The following LNX2 variants were observed in gnomAD, a reference collection of about 807,000 sequenced individuals.
LNX2 encodes the protein ligand of Numb protein X 2.
Under a neutral mutation model 66.2 loss-of-function variants are expected in LNX2, and 35 were observed. The observed-to-expected ratio is 0.53, with a 90% CI of 0.40 to 0.70. The LOEUF is 0.70. Among genes scored for constraint, LNX2 ranks in the 30% least tolerant of loss-of-function variants. The pLI is 0.00. For synonymous variants in LNX2, 337 were observed against 315.6 expected (o/e 1.07, Z -0.72); for missense variants, 791 against 850.8 (o/e 0.93, Z 0.87).
chr13:27,548,594 G>A lies in LNX2; in HGVS notation c.1938-124C>T, dbSNP rs1954971101. 4 of 1,032,788 alleles carry A rather than the reference G, an allele frequency of 3.9e-6. No homozygotes were observed. The South Asian group carries it at 5.1e-5, about 13-fold the overall frequency. The allele number at this position is 1,032,788 out of a possible 1,614,324, so 64.0% of individuals were successfully genotyped here. A position where few individuals can be genotyped will look rare whatever the true frequency, so the allele number is the denominator to read the frequency against. On this transcript the variant is annotated intron_variant, in intron 9 of 9. Coordinates refer to ENST00000316334, the MANE Select transcript of LNX2 (RefSeq NM_153371.4). ...CCACTGAACTGTCAATGGTTAGGGT[G>A]TATAATCTACTTTGTCTGGGACAGC...
At position 27,548,220 on chromosome 13, in the gene LNX2, C is replaced by T; in HGVS notation, c.*115G>A. The T allele has an allele frequency of 1.1e-6, 1 of 926,356 alleles. No homozygotes were observed. The highest frequency in any genetic ancestry group is 1.7e-5 in the South Asian group (1 of 60,476). The allele number at this position is 926,356 out of a possible 1,614,324, so 57.4% of individuals were successfully genotyped here. A position where few individuals can be genotyped will look rare whatever the true frequency, so the allele number is the denominator to read the frequency against. On this transcript the variant is annotated 3_prime_UTR_variant, in exon 10 of 10. Coordinates refer to ENST00000316334, the MANE Select transcript of LNX2 (RefSeq NM_153371.4). ...CGGACAATCTTAGTGGGTTTTGGCC[C>T]TGTGTATACCAGCAGTGTCAGCAGC...
In LNX2 at chr13:27,546,180, G is replaced by A. The variant is rs1954935346; in HGVS notation, c.*2155C>T. 1 of 152,198 alleles carries A rather than the reference G, an allele frequency of 6.6e-6. No homozygotes were observed. Among genetic ancestry groups the A allele is most frequent in the Non-Finnish European group, 1.5e-5 (1 of 68,036 alleles). The allele number at this position is 152,198 out of a possible 1,614,324, so 9.4% of individuals were successfully genotyped here. A position where few individuals can be genotyped will look rare whatever the true frequency, so the allele number is the denominator to read the frequency against. ...CTGATTCCAAGATTTCTATAAAAAT[G>A]AGAGTGAAGAAATTTCTTCTTTCAA... On this transcript the variant is annotated 3_prime_UTR_variant, in exon 10 of 10. Coordinates refer to ENST00000316334, the MANE Select transcript of LNX2 (RefSeq NM_153371.4).
intron 9 of LNX2, among the ~76,000 whole-genome samples, 196 bp from the exon 10 acceptor site, chr13:27,548,666 T>C (rs2138303908): frequency 6.6e-6 from 1 of 152,360 alleles, no homozygotes; most frequent in East Asian, 1.9e-4. Flanking sequence ...GAAACCCCTG[T>C]GCCGATGACT....
intron 6 of LNX2, among the ~76,000 whole-genome samples, chr13:27,558,768 T>C (rs1955093912): frequency 6.6e-6 from 1 of 152,144 alleles, no homozygotes; most frequent in Non-Finnish European, 1.5e-5. Context: ...AAGTCTGTGA[T>C]TATAATTTCT....
chr13:27,563,959 CA>C (rs1242790646), intron 4 of LNX2, among the ~76,000 whole-genome samples: 1 of 152,134 alleles, frequency 6.6e-6, no homozygotes, highest in East Asian at 1.9e-4. Flanking sequence ...TTGAATAATA[CA>C]GGGTCAAGAA....
intron 2 of LNX2, 136 bp downstream of exon 2, chr13:27,581,161 T>C (rs889657914): frequency 1.4e-5 from 8 of 564,962 alleles, no homozygotes; most frequent in African/African-American, 7.5e-5. Context: ...AACTTATTTA[T>C]TGTATCTCTT....
intron 1 of LNX2, among the ~76,000 whole-genome samples, chr13:27,604,877 C>A (rs1229509082): frequency 6.9e-6 from 1 of 144,046 alleles, no homozygotes; most frequent in Non-Finnish European, 1.5e-5. Context: ...TTTTGCCCTG[C>A]CTTTTGGTGC....
rs967368244 is a variant in LNX2, at chr13:27,551,944, C to A, written c.1778+1264G>T. On this transcript the variant is annotated intron_variant, in intron 8 of 9. Coordinates refer to ENST00000316334, the MANE Select transcript of LNX2 (RefSeq NM_153371.4). ...CCGTGTGAAACCTGCATATAGGGGC[C>A]ACCTGCACCCACTGAGGAGGACACA... Among the ~76,000 whole-genome samples, 5 of 152,258 alleles carry A rather than the reference C, an allele frequency of 3.3e-5. No individual in the cohort carries two copies. In the East Asian group the frequency reaches 9.7e-4, roughly 29 times the overall value.
At chr13:27,559,098 C>CAA (rs1290980412) in intron 6 of LNX2, among the ~76,000 whole-genome samples, 1 of 152,032 alleles carries the variant, frequency 6.6e-6, no homozygotes, top group South Asian at 2.1e-4. Context: ...GTTAAGAGTT[C>CAA]AAATGAAGGA....
chr13:27,583,760 A>G (rs1955451559), intron 1 of LNX2, among the ~76,000 whole-genome samples: 1 of 152,224 alleles, frequency 6.6e-6, no homozygotes, highest in Non-Finnish European at 1.5e-5. Flanking sequence ...TTGAACATCG[A>G]GACAGAAGAG....
At chr13:27,584,845 C>T (rs139994878) in intron 1 of LNX2, among the ~76,000 whole-genome samples, 154 of 152,198 alleles carry the variant, frequency 1.0e-3, no homozygotes, top group Middle Eastern at 3.4e-3. Flanking sequence ...AGGCTGGGCA[C>T]GGTGGCTCAC....
At chr13:27,561,024 A>G (rs1460400496) in intron 5 of LNX2, among the ~76,000 whole-genome samples, 2 of 152,252 alleles carry the variant, frequency 1.3e-5, no homozygotes, top group East Asian at 1.9e-4. Flanking sequence ...TCCAAAAACA[A>G]TAACGCTTTT....
intron 1 of LNX2, among the ~76,000 whole-genome samples, chr13:27,586,187 CTAT>C (rs1171949280): frequency 1.3e-5 from 2 of 151,502 alleles, no homozygotes. Flanking sequence ...TAAGTGCTAT[CTAT>C]TATTAAAAAT....
intron 2 of LNX2, among the ~76,000 whole-genome samples, chr13:27,578,265 G>A (rs547647666): frequency 6.6e-6 from 1 of 152,218 alleles, no homozygotes; most frequent in East Asian, 1.9e-4. Context: ...AAAAGCTCAA[G>A]AGCAAAGGCA....
At chr13:27,616,549 G>C (rs1040222546) in intron 1 of LNX2, among the ~76,000 whole-genome samples, 3 of 152,070 alleles carry the variant, frequency 2.0e-5, no homozygotes, top group Non-Finnish European at 4.4e-5. Flanking sequence ...TGGGGAGAGG[G>C]GGAAGCTTAG....
At chr13:27,555,873 T>A (rs542845787) in intron 7 of LNX2, among the ~76,000 whole-genome samples, 175 of 152,296 alleles carry the variant, frequency 1.1e-3, no homozygotes, top group African/African-American at 4.1e-3. Context: ...CTGCTCCACC[T>A]CCTCTCTGAG....
At chr13:27,589,789 T>C (rs1006375135) in intron 1 of LNX2, among the ~76,000 whole-genome samples, 2 of 152,240 alleles carry the variant, frequency 1.3e-5, no homozygotes, top group Admixed American at 1.3e-4. Flanking sequence ...AAAGGAAATA[T>C]ATTAAATATC....
intron 8 of LNX2, among the ~76,000 whole-genome samples, chr13:27,550,900 A>C (rs920578239): frequency 2.6e-5 from 4 of 152,220 alleles, no homozygotes; most frequent in Non-Finnish European, 5.9e-5. Context: ...AGTACTGCCA[A>C]GCCCAGCATG....
intron 5 of LNX2, among the ~76,000 whole-genome samples, chr13:27,560,580 T>TATATATATATATATATATATATAC (rs1361261308): frequency 1.2e-4 from 18 of 147,748 alleles, no homozygotes; most frequent in African/African-American, 3.8e-4. Context: ...TATATATATA[T>TATATATATATATATATATATATAC]ATATAGCATA....
Sources: allele counts gnomAD v4.1 joint callset (sites outside exome capture counted in the v4.1 genomes callset), GRCh38; gene constraint gnomAD v4.1.1; transcripts MANE v1.5; gene names NCBI Gene and HGNC (gene_info 2026-07-23, HGNC 2026-07-21).